The following KCNC3 variants were observed in gnomAD, a reference collection of about 807,000 sequenced individuals.
KCNC3 encodes the protein potassium voltage-gated channel subfamily C member 3, also known as voltage-gated potassium channel KCNC3.
Under a neutral mutation model 43.9 loss-of-function variants are expected in KCNC3, and 22 were observed. The observed-to-expected ratio is 0.50, with a 90% CI of 0.36 to 0.72. The LOEUF (loss-of-function observed/expected upper bound fraction) is 0.72. KCNC3 is among the 30% of genes least tolerant of loss of function. The probability of loss-of-function intolerance (pLI) is 0.00; values close to 1 mark genes in which losing one functional copy is unlikely to be tolerated. For missense variants in KCNC3, 829 were observed against 1,073.8 expected (o/e 0.77, Z 3.19); for synonymous variants, 492 against 488.0 (o/e 1.01, Z -0.11).
chr19:50,321,914 C>G (rs1489697913), intron 2 of KCNC3, among the ~76,000 whole-genome samples: 1 of 151,910 alleles, frequency 6.6e-6, no homozygotes, highest in Non-Finnish European at 1.5e-5. Context: ...GGAGGCATGG[C>G]TGGAGAGGAT....
chr19:50,320,585 C>T lies in KCNC3; in HGVS notation c.2170+8G>A. 1 of 1,609,452 alleles carries T rather than the reference C, an allele frequency of 6.2e-7. No homozygotes were observed. Among genetic ancestry groups the T allele is most frequent in the Non-Finnish European group, 8.5e-7 (1 of 1,178,598 alleles). The stretch of plus-strand genomic sequence containing the variant: ...GGTCCCAGGGGATCAGTAGGGGGGG[C>T]ACCTCACCTTTTCGGATGGAGCCAT... On this transcript the variant is annotated splice_region_variant and intron_variant, in intron 3 of 4. Coordinates refer to ENST00000477616, the MANE Select transcript of KCNC3 (RefSeq NM_004977.3).
At position 50,315,062 on chromosome 19, in the gene KCNC3, G is replaced by C. The variant is rs1264774626; in HGVS notation, c.*1053C>G. 4.8e-6 allele frequency: 1 copy of C among 206,758 alleles called. No homozygotes were observed. Among genetic ancestry groups the C allele is most frequent in the Non-Finnish European group, 1.0e-5 (1 of 100,310 alleles). 12.8% of individuals were successfully genotyped at this position (206,758 alleles called of 1,614,324 possible). ...GGGGTGCAGGGAAGGGTCAGACAGA[G>C]AGACCCAAGGCAGGGAGAAAGAGAC... On this transcript the variant is annotated 3_prime_UTR_variant, in exon 5 of 5. Coordinates refer to ENST00000477616, the MANE Select transcript of KCNC3 (RefSeq NM_004977.3).
chr19:50,313,325 T>C lies in KCNC3; in HGVS notation c.*2790A>G, dbSNP rs2036904551. 6.6e-6 allele frequency: 1 copy of C among 152,216 alleles called. No homozygotes were observed. Among genetic ancestry groups the C allele is most frequent in the Non-Finnish European group, 1.5e-5 (1 of 68,044 alleles). The allele number at this position is 152,216 out of a possible 1,614,324, so 9.4% of individuals were successfully genotyped here. On this transcript the variant is annotated 3_prime_UTR_variant, in exon 5 of 5. Coordinates refer to ENST00000477616, the MANE Select transcript of KCNC3 (RefSeq NM_004977.3). ...ACAGCCTCTGTGATCATCTGTGGACTACTTTAAATGGAAACACTCTTAACC... is the reference window on the plus strand; with the variant it reads ...ACAGCCTCTGTGATCATCTGTGGACCACTTTAAATGGAAACACTCTTAACC...
chr19:50,319,594 G>T (rs954586077), intron 4 of KCNC3, among the ~76,000 whole-genome samples: 1 of 152,112 alleles, frequency 6.6e-6, no homozygotes, highest in Non-Finnish European at 1.5e-5. Flanking sequence ...TGCAGATATC[G>T]AGTCTTCCCT....
chr19:50,318,863 G>T (rs919972031), intron 4 of KCNC3, among the ~76,000 whole-genome samples: 2 of 151,916 alleles, frequency 1.3e-5, no homozygotes, highest in African/African-American at 4.8e-5. Context: ...GACTGCTTGA[G>T]CCCAGGAGTT....
At position 50,323,078 on chromosome 19, in the gene KCNC3, C is replaced by A. The variant is rs537912602; in HGVS notation, c.1875G>T (p.Arg625Ser). Reference sequence around the variant, plus strand: ...TGATCCCCAGCCCACCCGCTCCCCCCCTGAGCAGCCCGGGGTGCGTGTGGG... The same window carrying A: ...TGATCCCCAGCCCACCCGCTCCCCCACTGAGCAGCCCGGGGTGCGTGTGGG... ...AGPHTHPGLL[R>S]GGAGGLGIMG... Residue 625 changes from arginine to serine, a missense_variant, in exon 2 of 5, where the codon AGG becomes AGT. Transcript: ENST00000477616. 8.6e-5 allele frequency: 132 copies of A among 1,539,886 alleles called. No homozygotes were observed. The highest frequency in any genetic ancestry group is 2.1e-4 in the Middle Eastern group (1 of 4,702).
chr19:50,331,000 C>T (rs2037182162), upstream of KCNC3, among the ~76,000 whole-genome samples: 1 of 152,038 alleles, frequency 6.6e-6, no homozygotes, highest in Non-Finnish European at 1.5e-5. Context: ...AGTTTCTGGC[C>T]CGCCGCTTCC....
chr19:50,325,840 G>A (rs1186122752), intron 1 of KCNC3, among the ~76,000 whole-genome samples: 1 of 151,894 alleles, frequency 6.6e-6, no homozygotes, highest in East Asian at 1.9e-4. Flanking sequence ...CCTATTCAAC[G>A]CGCAGCCGCA....
intron 2 of KCNC3, among the ~76,000 whole-genome samples, chr19:50,322,011 G>A (rs2037040552): frequency 6.6e-6 from 1 of 152,044 alleles, no homozygotes; most frequent in Admixed American, 6.6e-5. Context: ...GGTGAGAGAT[G>A]GGAGGTGGGA....
chr19:50,326,736 C>G (rs886502321), intron 1 of KCNC3, among the ~76,000 whole-genome samples: 1 of 151,244 alleles, frequency 6.6e-6, no homozygotes, highest in African/African-American at 2.5e-5. Flanking sequence ...GGAAATGGTT[C>G]AGGAGAGAAC....
At position 50,324,130 on chromosome 19, in the gene KCNC3, A is replaced by C. The variant is rs773407362; in HGVS notation, c.871-48T>G. 8 of 1,534,326 alleles carry C rather than the reference A, an allele frequency of 5.2e-6. No homozygotes were observed. Among genetic ancestry groups the C allele is most frequent in the Non-Finnish European group, 7.0e-6 (8 of 1,141,874 alleles). ...GAGGGGGAGAGGTGACCTAGGCATCAGGTTGGCCATAACATCCAGAAGACC... is the reference window on the plus strand; with the variant it reads ...GAGGGGGAGAGGTGACCTAGGCATCCGGTTGGCCATAACATCCAGAAGACC... On this transcript the variant is annotated intron_variant, in intron 1 of 4. Coordinates refer to ENST00000477616, the MANE Select transcript of KCNC3 (RefSeq NM_004977.3). The surrounding 1 kb of genome is among the most constrained non-coding windows in gnomAD (Gnocchi z 4.1).
rs371116909 is a variant in KCNC3 at position 50,320,686 on chromosome 19, T to G, written c.2077A>C (p.Ile693Leu). Residue 693 changes from isoleucine (I) to leucine (L), a missense_variant, in exon 3 of 5, where the codon ATC (isoleucine) becomes CTC (leucine). This residue lies in a region of KCNC3 where 308 missense variants were observed against 276.2 expected (regional missense o/e 1.11). Transcript: ENST00000477616. ...PAMSPEDKSP[I>L]TPGSRGRYSR... ...TAGCGGCCACGGCTTCCAGGCGTGA[T>G]GGGGCTCTTGTCTTCCGGGGACATG... The G allele has an allele frequency of 4.3e-6, 7 of 1,613,490 alleles. No individual in the cohort carries two copies. The highest frequency in any genetic ancestry group is 1.7e-4 in the Middle Eastern group (1 of 5,994).
At position 50,315,053 on chromosome 19, in the gene KCNC3, T is replaced by A; in HGVS notation, c.*1062A>T. 1 of 210,316 alleles carries A rather than the reference T, an allele frequency of 4.8e-6. No individual in the cohort carries two copies. 13.0% of individuals were successfully genotyped at this position (210,316 alleles called of 1,614,324 possible). A position where few individuals can be genotyped will look rare whatever the true frequency, so the allele number is the denominator to read the frequency against. On this transcript the variant is annotated 3_prime_UTR_variant, in exon 5 of 5. Coordinates refer to ENST00000477616, the MANE Select transcript of KCNC3 (RefSeq NM_004977.3). ...CACGAAGATGGGGTGCAGGGAAGGG[T>A]CAGACAGAGAGACCCAAGGCAGGGA...
rs762348562 is a variant in KCNC3 at position 50,324,120 on chromosome 19, C to T, written c.871-38G>A. ...GAGGGAGAGAGAGGGGGAGAGGTGACCTAGGCATCAGGTTGGCCATAACAT... is the reference window on the plus strand; with the variant it reads ...GAGGGAGAGAGAGGGGGAGAGGTGATCTAGGCATCAGGTTGGCCATAACAT... On this transcript the variant is annotated intron_variant, in intron 1 of 4. Transcript: ENST00000477616. The surrounding 1 kb of genome is among the most constrained non-coding windows in gnomAD (Gnocchi z 4.1). The T allele has an allele frequency of 9.7e-6, 15 of 1,548,130 alleles. No individual in the cohort carries two copies. The East Asian group carries it at 2.7e-4, about 28-fold the overall frequency.
chr19:50,320,921 G>A, intron 2 of KCNC3, 137 bp from the exon 3 acceptor site: 1 of 845,158 alleles, frequency 1.2e-6, no homozygotes, highest in African/African-American at 1.7e-5. Flanking sequence ...GAGATTCAAG[G>A]GCAGGGTGAT....
At position 50,323,594 on chromosome 19, in the gene KCNC3, G is replaced by A. The variant is rs773485055; in HGVS notation, c.1359C>T (p.Ile453=). ...AGATGAGCACCCCCAGGGCCAGGAAGATGATGAGCAGCAGGAACTCGTTGG... is the reference window on the plus strand; with the variant it reads ...AGATGAGCACCCCCAGGGCCAGGAAAATGATGAGCAGCAGGAACTCGTTGG... ...ASTNEFLLLI[I]FLALGVLIFA... Residue 453 remains isoleucine, a synonymous_variant, in exon 2 of 5, where the codon ATC becomes ATT. Coordinates refer to ENST00000477616, the MANE Select transcript of KCNC3 (RefSeq NM_004977.3). The A allele has an allele frequency of 1.2e-6, 2 of 1,614,260 alleles. No homozygotes were observed. Among genetic ancestry groups the A allele is most frequent in the Non-Finnish European group, 8.5e-7 (1 of 1,180,052 alleles).
chr19:50,320,052 G>T (rs113151462), intron 4 of KCNC3, among the ~76,000 whole-genome samples, 171 bp downstream of exon 4: 192 of 146,400 alleles, frequency 1.3e-3, no homozygotes, highest in African/African-American at 4.7e-3. Context: ...GTGAGTCCTG[G>T]GTAGGTGGGT....
intron 4 of KCNC3, among the ~76,000 whole-genome samples, chr19:50,319,254 C>G (rs376120904): frequency 8.2e-4 from 125 of 152,162 alleles, no homozygotes; most frequent in African/African-American, 2.9e-3. Flanking sequence ...CCGACTCTCT[C>G]GGCCTCGTCC....
rs1375915592 is a variant in KCNC3, at chr19:50,314,831, C to T, written c.*1284G>A. On this transcript the variant is annotated 3_prime_UTR_variant, in exon 5 of 5. Coordinates refer to ENST00000477616, the MANE Select transcript of KCNC3 (RefSeq NM_004977.3). ...CCTTCTTCCCGGTCACCCCCGAGTC[C>T]CCCCACAGGGGGGAGGGGAGCGCTA... The T allele has an allele frequency of 2.8e-6, 1 of 359,754 alleles. No individual in the cohort carries two copies. Among genetic ancestry groups the T allele is most frequent in the Non-Finnish European group, 5.4e-6 (1 of 184,408 alleles). The allele number at this position is 359,754 out of a possible 1,614,324, so 22.3% of individuals were successfully genotyped here.
Sources: gnomAD v4.1 joint callset for allele counts (sites outside exome capture counted in the v4.1 genomes callset) on GRCh38, gnomAD v4.1.1 for gene constraint, gnomAD v4.1.1 regional missense constraint, Gnocchi (gnomAD v3.1) non-coding constraint, MANE v1.5 for transcripts, NCBI Gene and HGNC (gene_info 2026-07-23, HGNC 2026-07-21) for gene names.